The following ADAMTS9 variants were observed in gnomAD, a reference collection of about 807,000 sequenced individuals.
The protein encoded by ADAMTS9 is ADAM metallopeptidase with thrombospondin type 1 motif 9, also known as A disintegrin and metalloproteinase with thrombospondin motifs 9.
A neutral mutation model predicts 257.1 loss-of-function variants in ADAMTS9; 107 were observed. That is an observed-to-expected ratio of 0.42 (90% CI 0.36 to 0.49). ADAMTS9 has a LOEUF of 0.49. ADAMTS9 is among the 20% of genes least tolerant of loss of function. ADAMTS9 has a pLI of 0.03. For synonymous variants in ADAMTS9, 982 were observed against 880.9 expected (o/e 1.11, Z -2.03); for missense variants, 2,353 against 2,469.1 (o/e 0.95, Z 1.00).
At position 64,686,607 on chromosome 3, in the gene ADAMTS9, G is replaced by A. The variant is rs1701913949; in HGVS notation, c.477C>T (p.Asn159=). The change falls in exon 2 of 40, where the codon AAC becomes AAT. Residue 159 remains asparagine (N), a synonymous_variant. Coordinates refer to ENST00000498707, the MANE Select transcript of ADAMTS9 (RefSeq NM_182920.2). This position sits in a 1 kb window ranked among gnomAD's most constrained non-coding sequence, Gnocchi z 4.6. The part of the protein sequence containing the change: ...HCFYKGYVNT[N]SEHTAVISLC... ...GGCTGATGACGGCCGTGTGCTCGGA[G>A]TTGGTATTGACATAGCCTTTGTAGA... The A allele has an allele frequency of 6.2e-7, 1 of 1,613,638 alleles. No individual in the cohort carries two copies. Among genetic ancestry groups the A allele is most frequent in the Non-Finnish European group, 8.5e-7 (1 of 1,179,868 alleles).
At chr3:64,616,751 A>G (rs1472426983) in intron 19 of ADAMTS9, among the ~76,000 whole-genome samples, 1 of 152,192 alleles carries the variant, frequency 6.6e-6, no homozygotes, top group African/African-American at 2.4e-5. Context: ...TTCTTAAACT[A>G]AATAGAATAT....
chr3:64,674,758 G>T (rs1480630518), intron 3 of ADAMTS9, among the ~76,000 whole-genome samples: 1 of 152,174 alleles, frequency 6.6e-6, no homozygotes, highest in Non-Finnish European at 1.5e-5. Flanking sequence ...GAACCCATAG[G>T]CTGCCCCAGA....
intron 6 of ADAMTS9, 93 bp from the exon 7 acceptor site, chr3:64,654,705 T>A: frequency 1.4e-6 from 2 of 1,391,692 alleles, no homozygotes; most frequent in Non-Finnish European, 2.0e-6. Flanking sequence ...TTCACAACAG[T>A]ACACACTTTG....
At chr3:64,526,125 A>G (rs1258375483) in intron 38 of ADAMTS9, among the ~76,000 whole-genome samples, 1 of 147,826 alleles carries the variant, frequency 6.8e-6, no homozygotes, top group Non-Finnish European at 1.5e-5. Context: ...TATATTTACT[A>G]TAGATAGTTA....
At chr3:64,577,916 T>C (rs2083893773) in intron 28 of ADAMTS9, among the ~76,000 whole-genome samples, 1 of 152,248 alleles carries the variant, frequency 6.6e-6, no homozygotes, top group Non-Finnish European at 1.5e-5. Context: ...CCAGTCTTAC[T>C]TTCTCTGCCT....
chr3:64,599,692 ACT>A (rs1421479772), intron 26 of ADAMTS9, among the ~76,000 whole-genome samples: 1 of 152,070 alleles, frequency 6.6e-6, no homozygotes, highest in African/African-American at 2.4e-5. Flanking sequence ...TAAGACAGAA[ACT>A]CTCTAAAGAA....
At chr3:64,670,031 G>A (rs1701448087) in intron 3 of ADAMTS9, among the ~76,000 whole-genome samples, 1 of 152,186 alleles carries the variant, frequency 6.6e-6, no homozygotes. Context: ...AAGCTTTCAG[G>A]ATTTATGGAG....
chr3:64,673,995 T>C (rs1701560234), intron 3 of ADAMTS9, among the ~76,000 whole-genome samples: 1 of 151,954 alleles, frequency 6.6e-6, no homozygotes, highest in African/African-American at 2.4e-5. Flanking sequence ...AATGAATAAG[T>C]GGGAACAAAT....
At chr3:64,563,325 T>C (rs2083461663) in intron 29 of ADAMTS9, 1 of 152,134 alleles carries the variant, frequency 6.6e-6, no homozygotes, top group Non-Finnish European at 1.5e-5. Flanking sequence ...AACCAAAAAG[T>C]CTTTTGACTA....
At chr3:64,598,238 A>G (rs948865988) in intron 26 of ADAMTS9, among the ~76,000 whole-genome samples, 1 of 150,676 alleles carries the variant, frequency 6.6e-6, no homozygotes, top group African/African-American at 2.4e-5. Context: ...ATATTTAGGT[A>G]TTTTTCAAGT....
intron 36 of ADAMTS9, 92 bp downstream of exon 36, chr3:64,541,003 G>C (rs2083113490): frequency 4.6e-6 from 7 of 1,523,188 alleles, no homozygotes; most frequent in Admixed American, 1.8e-5. Context: ...TGTGCAATAC[G>C]CACCTCCCTG....
chr3:64,638,260 G>A (rs1453121051), intron 12 of ADAMTS9, among the ~76,000 whole-genome samples: 1 of 152,144 alleles, frequency 6.6e-6, no homozygotes. Flanking sequence ...ACAATTCTAC[G>A]TACCATTTTG....
Position 64,681,265 on chromosome 3 carries a change from G to A in ADAMTS9, c.615C>T (p.Ile205=). 6.2e-7 allele frequency: 1 copy of A among 1,614,078 alleles called. No individual in the cohort carries two copies. Among genetic ancestry groups the A allele is most frequent in the Non-Finnish European group, 8.5e-7 (1 of 1,179,974 alleles). ...TCTGGGGGGCGCTGCGCCTATAAAT[G>A]ATGTGGGGTTTGTTTTGTTCCTCTT... The part of the protein sequence containing the change: ...EDEEEQNKPH[I]IYRRSAPQRE... Residue 205 remains isoleucine (I), a synonymous_variant, in exon 3 of 40, where the codon ATC becomes ATT. Coordinates refer to ENST00000498707, the MANE Select transcript of ADAMTS9 (RefSeq NM_182920.2).
intron 32 of ADAMTS9, among the ~76,000 whole-genome samples, chr3:64,542,672 T>C (rs959765417): frequency 1.3e-5 from 2 of 152,064 alleles, no homozygotes; most frequent in Non-Finnish European, 2.9e-5. Context: ...AGGAAAGATC[T>C]AAAATTGACA....
At chr3:64,670,953 G>A (rs984260726) in intron 3 of ADAMTS9, among the ~76,000 whole-genome samples, 10 of 152,140 alleles carry the variant, frequency 6.6e-5, no homozygotes, top group African/African-American at 2.4e-4. Flanking sequence ...GCTACAAAAT[G>A]GCATAACCAC....
chr3:64,684,335 G>A (rs538105905), intron 2 of ADAMTS9, among the ~76,000 whole-genome samples: 6 of 93,336 alleles, frequency 6.4e-5, no homozygotes, highest in African/African-American at 1.9e-4. Flanking sequence ...GTTCAGGAGA[G>A]GCGGGCGACC....
intron 16 of ADAMTS9, among the ~76,000 whole-genome samples, chr3:64,630,734 A>G (rs1409388308): frequency 2.0e-5 from 3 of 152,184 alleles, no homozygotes; most frequent in East Asian, 3.9e-4. Flanking sequence ...ACGTTTACCT[A>G]TGTAACAAAC....
chr3:64,609,777 G>A (rs1056291175), intron 22 of ADAMTS9, among the ~76,000 whole-genome samples: 25 of 152,020 alleles, frequency 1.6e-4, no homozygotes, highest in East Asian at 5.8e-4. Context: ...ATGAAAAAGC[G>A]GATTCTCAAA....
chr3:64,585,288 C>G (rs1405362261), intron 28 of ADAMTS9, among the ~76,000 whole-genome samples: 1 of 152,148 alleles, frequency 6.6e-6, no homozygotes. Context: ...TTCATCTTAC[C>G]AAGTTCCCAA....
Sources: allele counts gnomAD v4.1 joint callset (sites outside exome capture counted in the v4.1 genomes callset), GRCh38; gene constraint gnomAD v4.1.1; non-coding constraint Gnocchi (gnomAD v3.1); transcripts MANE v1.5; gene names NCBI Gene and HGNC (gene_info 2026-07-23, HGNC 2026-07-21).